ZNF821: variants seen among roughly 807,000 people sequenced by gnomAD.
The protein encoded by ZNF821 is zinc finger protein 821.
Under a neutral mutation model 44.3 loss-of-function variants are expected in ZNF821, and 16 were observed. The ratio of observed to expected loss-of-function variants is 0.36; its 90% CI spans 0.24 to 0.55. ZNF821 has a LOEUF of 0.55. Ranked by LOEUF, ZNF821 falls within the 20% of genes least tolerant of loss-of-function variation. The pLI is 0.86. For missense variants in ZNF821, 436 were observed against 547.6 expected (o/e 0.80, Z 2.03); for synonymous variants, 204 against 197.6 (o/e 1.03, Z -0.27).
Position 71,860,698 on chromosome 16 carries a change from T to C in ZNF821, c.585-26A>G. ...CTGGAAAGGAAACATTTTGGATGGT[T>C]AGTGTTTCCTTCTAGCAAGAGTCGG... On this transcript the variant is annotated intron_variant, in intron 7 of 7. Transcript: ENST00000425432. The surrounding 1 kb of genome is among the most constrained non-coding windows in gnomAD (Gnocchi z 7.3). 1 of 1,601,160 alleles carries C rather than the reference T, an allele frequency of 6.2e-7. No homozygotes were observed. Among genetic ancestry groups the C allele is most frequent in the Non-Finnish European group, 8.5e-7 (1 of 1,175,076 alleles).
intron 1 of ZNF821, among the ~76,000 whole-genome samples, chr16:71,892,801 G>C (rs2036896569): frequency 6.8e-6 from 1 of 147,914 alleles, no homozygotes; most frequent in Non-Finnish European, 1.5e-5. Flanking sequence ...GCATGATCTC[G>C]GGTCACTGCA....
intron 2 of ZNF821, among the ~76,000 whole-genome samples, chr16:71,881,028 G>C (rs1472066520): frequency 2.0e-5 from 3 of 152,184 alleles, no homozygotes; most frequent in African/African-American, 7.2e-5. Flanking sequence ...CTTAGAAAGA[G>C]TGAATAAAGA....
intron 3 of ZNF821, among the ~76,000 whole-genome samples, chr16:71,873,715 G>T (rs1020360381): frequency 1.3e-5 from 2 of 152,056 alleles, no homozygotes; most frequent in African/African-American, 4.8e-5. Flanking sequence ...GTGCAGTGGT[G>T]CAATCATAGC....
rs540968009 is a variant in ZNF821, at chr16:71,880,154, T to C, written c.-77-131A>G. The C allele has an allele frequency of 2.4e-5, 11 of 449,744 alleles. No individual in the cohort carries two copies. In the East Asian group the frequency reaches 3.1e-4, roughly 13 times the overall value. 27.9% of individuals were successfully genotyped at this position (449,744 alleles called of 1,614,324 possible). On this transcript the variant is annotated intron_variant, in intron 2 of 7. Transcript: ENST00000425432. Reference sequence around the variant, plus strand: ...CACCAGTTATAAATAATTGAACTAATGAAAGAAAGAAAGAAATGAATAAAT... The same window carrying C: ...CACCAGTTATAAATAATTGAACTAACGAAAGAAAGAAAGAAATGAATAAAT...
rs559952582 is a variant in ZNF821 at position 71,891,860 on chromosome 16, G to A, written n.448+3029C>T. Among the ~76,000 whole-genome samples, 19 of 152,008 alleles carry A rather than the reference G, an allele frequency of 1.2e-4. 2 individuals carry two copies. The South Asian group carries it at 3.7e-3, about 30-fold the overall frequency. On this transcript the variant is annotated intron_variant and non_coding_transcript_variant, in intron 1 of 2. Transcript: ENST00000561700. ...TCATCTTTACTAAAAATAGCCAGGC[G>A]TGGTGGTGCAGGCCTGTAGCAGCTA... is the stretch of plus-strand genomic sequence containing the variant.
chr16:71,881,766 G>A (rs1167691017), intron 2 of ZNF821: 1 of 152,188 alleles, frequency 6.6e-6, no homozygotes, highest in Non-Finnish European at 1.5e-5. Flanking sequence ...CTTGAGGCCA[G>A]GAGTTTGAGA....
At chr16:71,875,795 C>T (rs1338678363) in intron 3 of ZNF821, among the ~76,000 whole-genome samples, 1 of 152,136 alleles carries the variant, frequency 6.6e-6, no homozygotes, top group African/African-American at 2.4e-5. Flanking sequence ...GACAGGGTTT[C>T]ACCATGTTGT....
At chr16:71,892,207 AAAAG>A in intron 1 of ZNF821, among the ~76,000 whole-genome samples, 1 of 144,664 alleles carries the variant, frequency 6.9e-6, no homozygotes, top group African/African-American at 2.6e-5. Context: ...AAAAAAAAAA[AAAAG>A]AATCATGTCA....
intron 2 of ZNF821, chr16:71,880,285 T>A (rs2142469540): frequency 4.9e-6 from 1 of 202,432 alleles, no homozygotes; most frequent in African/African-American, 2.3e-5. Flanking sequence ...TACTGTTAAG[T>A]GATCATGATC....
intron 3 of ZNF821, 104 bp downstream of exon 3, chr16:71,879,803 T>C (rs1468559940): frequency 5.3e-6 from 6 of 1,138,484 alleles, no homozygotes; most frequent in Non-Finnish European, 7.5e-6. Flanking sequence ...ATTTAAACTT[T>C]TCTTCTTCAC....
intron 1 of ZNF821, chr16:71,890,550 C>A (rs1179574348): frequency 6.6e-6 from 1 of 151,514 alleles, no homozygotes; most frequent in East Asian, 1.9e-4. Flanking sequence ...CCACACCTGG[C>A]TAATTTTTGT....
In ZNF821 at chr16:71,860,121, G is replaced by T. The variant is rs2033661401; in HGVS notation, c.1136C>A (p.Ala379Asp). ...QDPSAMAALAAEMNFFQLPVS... is the reference protein window; with the variant it reads ...QDPSAMAALADEMNFFQLPVS... ...AGGCAGCTGGAAGAAGTTCATTTCA[G>T]CTGCTAAGGCTGCCATGGCAGAAGG... Residue 379 changes from alanine to aspartate, a missense_variant, in exon 8 of 8, where the codon GCT (alanine) becomes GAT (aspartate). Physicochemically the swap from Ala to Asp is moderately radical, Grantham distance 126. This residue lies in a region of ZNF821 where 55 missense variants were observed against 56.9 expected (regional missense o/e 0.97). Coordinates refer to ENST00000425432, the MANE Select transcript of ZNF821 (RefSeq NM_001201552.2). The surrounding 1 kb of genome is among the most constrained non-coding windows in gnomAD (Gnocchi z 7.3). 6.2e-7 allele frequency: 1 copy of T among 1,614,116 alleles called. No individual in the cohort carries two copies.
intron 3 of ZNF821, among the ~76,000 whole-genome samples, chr16:71,879,619 C>G (rs1177626195): frequency 6.6e-6 from 1 of 152,064 alleles, no homozygotes; most frequent in African/African-American, 2.4e-5. Flanking sequence ...AGTAGGTATC[C>G]TATAACTGTT....
chr16:71,890,620 C>G (rs1257791588), intron 1 of ZNF821: 2 of 152,034 alleles, frequency 1.3e-5, no homozygotes, highest in South Asian at 2.1e-4. Flanking sequence ...CTCCTGACCT[C>G]AAGTGATCCC....
At chr16:71,873,815 G>C (rs548066678) in intron 3 of ZNF821, among the ~76,000 whole-genome samples, 40 of 151,996 alleles carry the variant, frequency 2.6e-4, no homozygotes, top group African/African-American at 5.6e-4. Context: ...ACTGTGCCTG[G>C]CTAATTTTTA....
chr16:71,871,892 C>T (rs899864561), intron 3 of ZNF821, among the ~76,000 whole-genome samples: 6 of 151,040 alleles, frequency 4.0e-5, no homozygotes, highest in Non-Finnish European at 7.4e-5. Flanking sequence ...AGTGCAATGG[C>T]GCAATCTCGG....
intron 6 of ZNF821, 149 bp from the exon 7 acceptor site, chr16:71,862,091 T>C: frequency 1.1e-6 from 1 of 890,454 alleles, no homozygotes; most frequent in Non-Finnish European, 1.7e-6. Context: ...GAAAAGTCAG[T>C]CTCTTACATT....
chr16:71,869,417 C>G (rs191014846), intron 3 of ZNF821, among the ~76,000 whole-genome samples: 1 of 152,122 alleles, frequency 6.6e-6, no homozygotes, highest in South Asian at 2.1e-4. Flanking sequence ...ATTCATTCAG[C>G]AAACATTCAT....
chr16:71,875,306 G>C (rs1371278979), intron 3 of ZNF821, among the ~76,000 whole-genome samples: 1 of 151,906 alleles, frequency 6.6e-6, no homozygotes, highest in African/African-American at 2.4e-5. Context: ...TTTTGAGATG[G>C]AGTCTCACTC....
Sources: allele counts gnomAD v4.1 joint callset (sites outside exome capture counted in the v4.1 genomes callset), GRCh38; gene constraint gnomAD v4.1.1; regional missense constraint gnomAD v4.1.1; non-coding constraint Gnocchi (gnomAD v3.1); transcripts MANE v1.5; gene names NCBI Gene and HGNC (gene_info 2026-07-23, HGNC 2026-07-21).